SYT10: variants seen among roughly 807,000 people sequenced by gnomAD.
SYT10 encodes synaptotagmin 10, also known as synaptotagmin-10.
In SYT10, 31 loss-of-function variants were observed where a neutral mutation model predicts 51.1. That is an observed-to-expected ratio of 0.61 (90% CI 0.46 to 0.82). The LOEUF is 0.82. SYT10 is among the 40% of genes least tolerant of loss of function. The pLI, the probability that SYT10 is intolerant of heterozygous loss-of-function variation, is 0.00. For missense variants in SYT10, 603 were observed against 634.0 expected, an observed-to-expected ratio of 0.95 and a Z score of 0.53; for synonymous variants, 233 against 225.9, an observed-to-expected ratio of 1.03 and a Z score of -0.28.
intron 3 of SYT10, among the ~76,000 whole-genome samples, chr12:33,388,040 G>A (rs1345571335): frequency 2.0e-5 from 3 of 151,874 alleles, no homozygotes; most frequent in Non-Finnish European, 2.9e-5. Context: ...TCTCACACAC[G>A]CAATGTGGAG....
chr12:33,379,743 A>G, intron 6 of SYT10, 89 bp downstream of exon 6: 2 of 1,512,526 alleles, frequency 1.3e-6, no homozygotes, highest in South Asian at 2.5e-5. Flanking sequence ...GGGTGAATAC[A>G]TAAAATATCA....
rs755018918 is a variant in SYT10 at position 33,382,484 on chromosome 12, C to T, written c.1235G>A (p.Arg412Gln). 8.6e-5 allele frequency: 139 copies of T among 1,612,488 alleles called. 1 individual carries two copies. The highest frequency in any genetic ancestry group is 1.1e-4 in the Non-Finnish European group (128 of 1,179,232). The part of the protein sequence containing the change: ...YVKVSLMCEG[R>Q]RLKKRKTTTK... ...AGTTGTTTTCCTCTTTTTTAATCTT[C>T]GACCTTCACACATCAGGGACACTTT... Residue 412 changes from arginine to glutamine, a missense_variant, in exon 5 of 7, where the codon CGA becomes CAA. Transcript: ENST00000228567.
intron 2 of SYT10, among the ~76,000 whole-genome samples, chr12:33,419,832 A>G (rs1211775056): frequency 2.0e-5 from 3 of 152,246 alleles, no homozygotes; most frequent in Non-Finnish European, 4.4e-5. Flanking sequence ...ATATTATATT[A>G]CAAGAAAAGA....
At chr12:33,419,629 G>A (rs1866483574) in intron 2 of SYT10, among the ~76,000 whole-genome samples, 2 of 152,042 alleles carry the variant, frequency 1.3e-5, no homozygotes. Context: ...GTGCTAAGGA[G>A]GCAATTCAGT....
Position 33,439,729 on chromosome 12 carries a change from G to A in SYT10, c.-207C>T, listed in dbSNP as rs1305245592. On this transcript the variant is annotated 5_prime_UTR_variant, in exon 1 of 7. Coordinates refer to ENST00000228567, the MANE Select transcript of SYT10 (RefSeq NM_198992.4). ...GGGCGTAGGGGAAGGAGAGGCGCGCGAGGAGGCTGCGGCTGCCGCGAGGTT... is the reference window on the plus strand; with the variant it reads ...GGGCGTAGGGGAAGGAGAGGCGCGCAAGGAGGCTGCGGCTGCCGCGAGGTT... The A allele has an allele frequency of 1.7e-6, 1 of 593,070 alleles. No individual in the cohort carries two copies. The highest frequency in any genetic ancestry group is 2.8e-6 in the Non-Finnish European group (1 of 355,564). The allele number at this position is 593,070 out of a possible 1,614,324, so 36.7% of individuals were successfully genotyped here.
chr12:33,431,757 G>A (rs1176287672), intron 1 of SYT10, among the ~76,000 whole-genome samples: 14 of 152,108 alleles, frequency 9.2e-5, no homozygotes, highest in Admixed American at 9.2e-4. Flanking sequence ...GCTTATAAGA[G>A]AATATTGAAG....
chr12:33,396,615 T>C (rs2138402400), intron 3 of SYT10, among the ~76,000 whole-genome samples: 1 of 152,288 alleles, frequency 6.6e-6, no homozygotes, highest in African/African-American at 2.4e-5. Flanking sequence ...ATAAATGACC[T>C]ATAATCTGTG....
intron 2 of SYT10, among the ~76,000 whole-genome samples, chr12:33,412,389 GAT>G (rs1866414239): frequency 1.4e-5 from 2 of 147,374 alleles, no homozygotes; most frequent in African/African-American, 2.5e-5. Flanking sequence ...TGACAACACA[GAT>G]ATTTTTTTTC....
chr12:33,430,499 G>T (rs952857433), intron 1 of SYT10, among the ~76,000 whole-genome samples: 1 of 152,090 alleles, frequency 6.6e-6, no homozygotes, highest in Non-Finnish European at 1.5e-5. Flanking sequence ...ATGCAGAAAA[G>T]CACAGGCCAA....
chr12:33,404,131 A>G (rs967873259), intron 3 of SYT10, among the ~76,000 whole-genome samples: 9 of 152,194 alleles, frequency 5.9e-5, no homozygotes, highest in Non-Finnish European at 1.2e-4. Flanking sequence ...GGCATGTCCT[A>G]ATTCCTGGAA....
intron 3 of SYT10, among the ~76,000 whole-genome samples, chr12:33,387,496 T>C (rs1866166842): frequency 6.6e-6 from 1 of 152,188 alleles, no homozygotes; most frequent in Admixed American, 6.5e-5. Flanking sequence ...AGCAGTGTCT[T>C]AGATATATCA....
intron 2 of SYT10, among the ~76,000 whole-genome samples, chr12:33,421,720 G>C (rs1438852978): frequency 6.6e-6 from 1 of 152,016 alleles, no homozygotes; most frequent in Non-Finnish European, 1.5e-5. Context: ...GAAACAGCTG[G>C]AGCTCAATAT....
At chr12:33,378,550 GA>G (rs1866085402) in intron 6 of SYT10, among the ~76,000 whole-genome samples, 1 of 152,112 alleles carries the variant, frequency 6.6e-6, no homozygotes, top group African/African-American at 2.4e-5. Flanking sequence ...AACAAAATTA[GA>G]ATCCACCTCT....
chr12:33,438,797 T>C (rs1259333177), intron 1 of SYT10, among the ~76,000 whole-genome samples: 1 of 152,180 alleles, frequency 6.6e-6, no homozygotes, highest in East Asian at 1.9e-4. Context: ...AAATCATATA[T>C]ATTAAAAGGG....
At chr12:33,422,424 T>C (rs1374134678) in intron 2 of SYT10, among the ~76,000 whole-genome samples, 1 of 152,136 alleles carries the variant, frequency 6.6e-6, no homozygotes, top group African/African-American at 2.4e-5. Context: ...CTACAGTCTG[T>C]CTTGTAAAGT....
intron 1 of SYT10, among the ~76,000 whole-genome samples, chr12:33,429,073 C>T (rs1232145607): frequency 2.0e-5 from 3 of 152,122 alleles, no homozygotes; most frequent in Non-Finnish European, 4.4e-5. Context: ...CTTCAGCATG[C>T]TTCAGAATGG....
intron 1 of SYT10, among the ~76,000 whole-genome samples, chr12:33,433,525 C>T (rs546536448): frequency 2.0e-5 from 3 of 152,202 alleles, no homozygotes; most frequent in South Asian, 4.1e-4. Context: ...GGATTATATG[C>T]GTTCAAAGTC....
At chr12:33,391,294 C>G (rs1179627395) in intron 3 of SYT10, among the ~76,000 whole-genome samples, 1 of 151,704 alleles carries the variant, frequency 6.6e-6, no homozygotes, top group African/African-American at 2.4e-5. Flanking sequence ...TAGAGAGATA[C>G]TTGGATTTTA....
intron 3 of SYT10, among the ~76,000 whole-genome samples, chr12:33,396,486 T>C (rs1431498779): frequency 6.6e-6 from 1 of 152,196 alleles, no homozygotes; most frequent in Non-Finnish European, 1.5e-5. Flanking sequence ...CAGAAACATC[T>C]GTGGCATTTT....
Sources: gnomAD v4.1 joint callset for allele counts (sites outside exome capture counted in the v4.1 genomes callset) on GRCh38, gnomAD v4.1.1 for gene constraint, MANE v1.5 for transcripts, NCBI Gene and HGNC (gene_info 2026-07-23, HGNC 2026-07-21) for gene names.